MALT1: variants seen among roughly 807,000 people sequenced by gnomAD.
The protein encoded by MALT1 is mucosa-associated lymphoid tissue lymphoma translocation protein 1.
Under a neutral mutation model 85.5 loss-of-function variants are expected in MALT1, and 36 were observed. That is an observed-to-expected ratio of 0.42 (90% CI 0.32 to 0.56). The LOEUF (loss-of-function observed/expected upper bound fraction) is 0.56, where lower values mean the gene tolerates loss of function less well. Ranked by LOEUF, MALT1 falls within the 20% of genes least tolerant of loss-of-function variation. MALT1 has a pLI of 0.10. For synonymous variants in MALT1, 359 were observed against 361.3 expected, an observed-to-expected ratio of 0.99 and a Z score of 0.07; for missense variants, 716 against 981.6, an observed-to-expected ratio of 0.73 and a Z score of 3.62.
At chr18:58,707,019 G>A (rs1163230006) in intron 4 of MALT1, among the ~76,000 whole-genome samples, 1 of 151,966 alleles carries the variant, frequency 6.6e-6, no homozygotes, top group Non-Finnish European at 1.5e-5. Flanking sequence ...GATCTTGTAA[G>A]CTCTTTTTTT....
At position 58,748,043 on chromosome 18, in the gene MALT1, A is replaced by G. The variant is rs9947866; in HGVS notation, c.*201A>G. 3.6e-6 allele frequency: 2 copies of G among 557,070 alleles called. No homozygotes were observed. Among genetic ancestry groups the G allele is most frequent in the African/African-American group, 3.8e-5 (2 of 53,106 alleles). The allele number at this position is 557,070 out of a possible 1,614,324, so 34.5% of individuals were successfully genotyped here. The stretch of plus-strand genomic sequence containing the variant: ...GACTTCCTCTTTCTAAGATTTTGTG[A>G]ATTGGTTGAATAGTTCTATACAAAT... On this transcript the variant is annotated 3_prime_UTR_variant, in exon 17 of 17. Coordinates refer to ENST00000649217, the MANE Select transcript of MALT1 (RefSeq NM_006785.4).
intron 1 of MALT1, chr18:58,675,469 G>A (rs778298595): frequency 2.6e-5 from 4 of 152,334 alleles, no homozygotes; most frequent in African/African-American, 9.6e-5. Context: ...CAAAAAATTA[G>A]CCAGGCATAG....
intron 4 of MALT1, among the ~76,000 whole-genome samples, chr18:58,707,758 C>T (rs892250169): frequency 5.9e-5 from 9 of 152,142 alleles, no homozygotes; most frequent in Admixed American, 1.3e-4. Context: ...ACACACCCCT[C>T]GTAATGGCTA....
chr18:58,733,904 T>A, intron 11 of MALT1: 1 of 1,146,316 alleles, frequency 8.7e-7, no homozygotes, highest in Non-Finnish European at 1.1e-6. Flanking sequence ...CCAACACCCA[T>A]GGAGTTGGGA....
chr18:58,713,986 CATG>C (rs1254320128), intron 7 of MALT1, 94 bp from the exon 8 acceptor site: 1 of 638,574 alleles, frequency 1.6e-6, no homozygotes, highest in African/African-American at 1.9e-5. Flanking sequence ...AACACTATAA[CATG>C]ATTCACTGGC....
At chr18:58,730,348 A>C (rs1331168278) in intron 10 of MALT1, among the ~76,000 whole-genome samples, 1 of 151,774 alleles carries the variant, frequency 6.6e-6, no homozygotes, top group South Asian at 2.1e-4. Flanking sequence ...CCACCAATCT[A>C]TTTTCTGTTT....
Position 58,709,457 on chromosome 18 carries a change from A to C in MALT1, c.729A>C (p.Thr243=). 6.2e-7 allele frequency: 1 copy of C among 1,613,174 alleles called. No homozygotes were observed. The stretch of plus-strand genomic sequence containing the variant: ...CCCAAAAGCTGATGCCAGGCAGCAC[A>C]TTGGTTTTACAGTGTGTTGCTGTTG... ...PTSQKLMPGS[T]LVLQCVAVGS... The change falls in exon 5 of 17, where the codon ACA becomes ACC. Residue 243 remains threonine, a synonymous_variant. Transcript: ENST00000649217.
chr18:58,676,004 TC>T (rs2054234258), intron 1 of MALT1, among the ~76,000 whole-genome samples: 1 of 152,208 alleles, frequency 6.6e-6, no homozygotes, highest in Non-Finnish European at 1.5e-5. Context: ...TACACACAAA[TC>T]GTTTTTGTCA....
chr18:58,713,476 A>G (rs2054859957), intron 7 of MALT1, among the ~76,000 whole-genome samples: 1 of 151,950 alleles, frequency 6.6e-6, no homozygotes, highest in African/African-American at 2.4e-5. Flanking sequence ...CGTCAGTGTC[A>G]TCACAGACAA....
At chr18:58,694,152 A>T (rs1472003330) in intron 2 of MALT1, among the ~76,000 whole-genome samples, 2 of 152,256 alleles carry the variant, frequency 1.3e-5, no homozygotes, top group African/African-American at 4.8e-5. Context: ...AGGATTAATG[A>T]ATATGAATGT....
At chr18:58,712,464 T>C (rs998542268) in intron 7 of MALT1, among the ~76,000 whole-genome samples, 3 of 152,110 alleles carry the variant, frequency 2.0e-5, no homozygotes, top group African/African-American at 7.2e-5. Context: ...AAGACAAATA[T>C]CATATGTTCT....
intron 9 of MALT1, among the ~76,000 whole-genome samples, chr18:58,721,611 T>A (rs1000528050): frequency 9.9e-5 from 15 of 152,212 alleles, no homozygotes; most frequent in Admixed American, 2.6e-4. Flanking sequence ...GAGTTTTTTT[T>A]ATCCTTTGAG....
intron 2 of MALT1, among the ~76,000 whole-genome samples, chr18:58,694,876 C>T (rs1461750645): frequency 6.6e-6 from 1 of 152,186 alleles, no homozygotes; most frequent in Non-Finnish European, 1.5e-5. Context: ...GACCTCATTT[C>T]CTCACTGGCT....
chr18:58,722,005 C>T (rs1170900645), intron 9 of MALT1, among the ~76,000 whole-genome samples: 1 of 152,138 alleles, frequency 6.6e-6, no homozygotes, highest in Non-Finnish European at 1.5e-5. Flanking sequence ...ACTGCTGCTA[C>T]TATTACGGGT....
At chr18:58,735,422 C>T (rs73451257) in intron 13 of MALT1, 93 bp downstream of exon 13, 2 of 1,365,280 alleles carry the variant, frequency 1.5e-6, no homozygotes, top group Non-Finnish European at 1.9e-6. Context: ...TTGTTTTATT[C>T]TTATTATGTG....
chr18:58,734,013 T>G (rs1323400045), intron 11 of MALT1: 1 of 1,202,278 alleles, frequency 8.3e-7, no homozygotes, highest in Non-Finnish European at 1.0e-6. Context: ...ATTGCCTTTC[T>G]AAGGAGTAGA....
At chr18:58,723,005 C>A in intron 9 of MALT1, 43 bp from the exon 10 acceptor site, 1 of 1,441,376 alleles carries the variant, frequency 6.9e-7, no homozygotes, top group Non-Finnish European at 9.7e-7. Context: ...TTGTTTTAAT[C>A]TTTATATCTT....
chr18:58,723,033 CTTTTT>C lies in MALT1; in HGVS notation c.1019-10_1019-6del. The stretch of plus-strand genomic sequence containing the variant: ...TATATCTTCTTTAAACACCCCCTTT[CTTTTT>C]TTTTCAAAGCGAAGGACAAGGTTGC... On this transcript the variant is annotated splice_polypyrimidine_tract_variant and intron_variant, in intron 9 of 16. Transcript: ENST00000649217. The C allele has an allele frequency of 6.4e-7, 1 of 1,574,080 alleles. No individual in the cohort carries two copies. The highest frequency in any genetic ancestry group is 8.7e-7 in the Non-Finnish European group (1 of 1,148,514).
At chr18:58,725,146 G>A (rs1323733881) in intron 10 of MALT1, among the ~76,000 whole-genome samples, 1 of 149,538 alleles carries the variant, frequency 6.7e-6, no homozygotes, top group African/African-American at 2.5e-5. Flanking sequence ...AAAAAAAATA[G>A]AATAAAATAA....
Sources: gnomAD v4.1 joint callset for allele counts (sites outside exome capture counted in the v4.1 genomes callset) on GRCh38, gnomAD v4.1.1 for gene constraint, MANE v1.5 for transcripts, NCBI Gene and HGNC (gene_info 2026-07-23, HGNC 2026-07-21) for gene names.